Variants in ST3GAL3 observed in about 807,000 individuals in gnomAD.
The protein encoded by ST3GAL3 is ST3 beta-galactoside alpha-2,3-sialyltransferase 3, also known as CMP-N-acetylneuraminate-beta-1,4-galactoside alpha-2,3-sialyltransferase.
In ST3GAL3, 21 loss-of-function variants were observed where a neutral mutation model predicts 50.1. That is an observed-to-expected ratio of 0.42 (90% confidence interval 0.30 to 0.60). ST3GAL3 has a LOEUF of 0.60. Ranked by LOEUF, ST3GAL3 falls within the 20% of genes least tolerant of loss-of-function variation. The pLI, the probability that ST3GAL3 is intolerant of heterozygous loss-of-function variation, is 0.19. For synonymous variants in ST3GAL3, 183 were observed against 190.0 expected (o/e 0.96, Z 0.30); for missense variants, 353 against 489.4 (o/e 0.72, Z 2.63).
intron 2 of ST3GAL3, among the ~76,000 whole-genome samples, chr1:43,775,523 G>A (rs966118594): frequency 6.6e-6 from 1 of 152,204 alleles, no homozygotes; most frequent in Non-Finnish European, 1.5e-5. Context: ...GTGAGCCACC[G>A]CACTCAGCCG....
intron 11 of ST3GAL3, 28 bp downstream of exon 11, chr1:43,920,956 C>G: frequency 3.2e-6 from 5 of 1,583,890 alleles, no homozygotes; most frequent in Non-Finnish European, 2.6e-6. Flanking sequence ...GGGGCAATCC[C>G]TGGGTGGGGA....
intron 5 of ST3GAL3, among the ~76,000 whole-genome samples, chr1:43,893,107 G>T (rs1214297741): frequency 6.6e-6 from 1 of 152,162 alleles, no homozygotes; most frequent in Non-Finnish European, 1.5e-5. Context: ...TCAAGTTCAT[G>T]TCAAAATCTC....
intron 9 of ST3GAL3, among the ~76,000 whole-genome samples, chr1:43,901,142 G>A (rs2078207860): frequency 6.6e-6 from 1 of 152,236 alleles, no homozygotes; most frequent in Non-Finnish European, 1.5e-5. Context: ...TTTTAAGGGA[G>A]AATGGTAGGA....
intron 2 of ST3GAL3, among the ~76,000 whole-genome samples, chr1:43,764,825 A>G (rs1691952102): frequency 6.6e-6 from 1 of 152,190 alleles, no homozygotes; most frequent in Non-Finnish European, 1.5e-5. Flanking sequence ...CTGACAGTTG[A>G]GGCCTTTCTG....
Position 43,899,833 on chromosome 1 carries a change from A to G in ST3GAL3, c.744+106A>G, listed in dbSNP as rs2077993918. ...GCAAAGAACGAGTAAGAACCTTCAAAGGAAACATTAATGACCCAAAGCCGA... is the reference window on the plus strand; with the variant it reads ...GCAAAGAACGAGTAAGAACCTTCAAGGGAAACATTAATGACCCAAAGCCGA... On this transcript the variant is annotated intron_variant, in intron 9 of 11. Coordinates refer to ENST00000347631, the MANE Select transcript of ST3GAL3 (RefSeq NM_006279.5). This position sits in a 1 kb window ranked among gnomAD's most constrained non-coding sequence, Gnocchi z 5.4. 2 of 1,185,736 alleles carry G rather than the reference A, an allele frequency of 1.7e-6. No individual in the cohort carries two copies. Among genetic ancestry groups the G allele is most frequent in the African/African-American group, 3.0e-5 (2 of 65,918 alleles). 73.5% of individuals were successfully genotyped at this position (1,185,736 alleles called of 1,614,324 possible).
intron 5 of ST3GAL3, among the ~76,000 whole-genome samples, chr1:43,878,740 C>A (rs1336528503): frequency 3.3e-5 from 5 of 152,122 alleles, no homozygotes; most frequent in Admixed American, 3.3e-4. Flanking sequence ...AAATATTGAT[C>A]TTTGATAGAA....
At chr1:43,853,133 G>A (rs2067657428) in intron 5 of ST3GAL3, among the ~76,000 whole-genome samples, 1 of 152,176 alleles carries the variant, frequency 6.6e-6, no homozygotes, top group East Asian at 1.9e-4. Context: ...AGACATGATT[G>A]AGTGTTGTCT....
At chr1:43,809,489 G>A (rs572106662) in intron 3 of ST3GAL3, among the ~76,000 whole-genome samples, 3 of 152,168 alleles carry the variant, frequency 2.0e-5, no homozygotes, top group Non-Finnish European at 4.4e-5. Flanking sequence ...ATAGCTTGAG[G>A]CCAGGAGTTC....
chr1:43,757,079 A>G (rs1373554498), intron 2 of ST3GAL3, among the ~76,000 whole-genome samples: 1 of 151,930 alleles, frequency 6.6e-6, no homozygotes, highest in East Asian at 1.9e-4. Flanking sequence ...TAACTTTTAT[A>G]TTTTTAGTAG....
At chr1:43,886,172 G>T (rs1177295963) in intron 5 of ST3GAL3, among the ~76,000 whole-genome samples, 1 of 152,198 alleles carries the variant, frequency 6.6e-6, no homozygotes, top group African/African-American at 2.4e-5. Flanking sequence ...CCTGAGGTCA[G>T]GAATTTGAAA....
At chr1:43,735,436 G>C (rs1677977052) in intron 1 of ST3GAL3, among the ~76,000 whole-genome samples, 1 of 152,224 alleles carries the variant, frequency 6.6e-6, no homozygotes, top group Non-Finnish European at 1.5e-5. Flanking sequence ...CAAAGAGTGA[G>C]AGAGCCTGAA....
chr1:43,901,403 A>G (rs114024366), intron 9 of ST3GAL3, among the ~76,000 whole-genome samples: 1,782 of 152,374 alleles, frequency 0.012, 17 homozygotes, highest in Non-Finnish European at 0.019. Context: ...GGGAAAAGCC[A>G]GGCAGTTCAA....
At chr1:43,924,768 GGT>G (rs1302562598) in intron 11 of ST3GAL3, among the ~76,000 whole-genome samples, 2 of 152,214 alleles carry the variant, frequency 1.3e-5, no homozygotes, top group African/African-American at 2.4e-5. Flanking sequence ...GGAAGTATAA[GGT>G]GATGAGACAG....
intron 4 of ST3GAL3, chr1:43,824,626 C>T (rs2062542090): frequency 7.1e-7 from 1 of 1,400,952 alleles, no homozygotes; most frequent in Admixed American, 1.7e-5. Flanking sequence ...AGGTTCTTTG[C>T]TTCATGACAT....
intron 5 of ST3GAL3, among the ~76,000 whole-genome samples, chr1:43,857,558 T>C (rs12745841): frequency 3.1e-4 from 26 of 83,768 alleles, no homozygotes; most frequent in African/African-American, 8.1e-4. Flanking sequence ...TTCCTTCCTT[T>C]CCTTCCTTCT....
intron 3 of ST3GAL3, among the ~76,000 whole-genome samples, chr1:43,799,187 G>A (rs1039563607): frequency 1.3e-5 from 2 of 152,164 alleles, no homozygotes; most frequent in African/African-American, 4.8e-5. Flanking sequence ...TTAGCCCTAG[G>A]TAAATAGGGG....
chr1:43,741,254 AG>A (rs1373894194), intron 2 of ST3GAL3, among the ~76,000 whole-genome samples: 1 of 152,136 alleles, frequency 6.6e-6, no homozygotes, highest in Non-Finnish European at 1.5e-5. Flanking sequence ...GTTTGAGCCC[AG>A]GAAGTCAATC....
At chr1:43,859,294 G>A (rs780497951) in intron 5 of ST3GAL3, among the ~76,000 whole-genome samples, 1 of 152,188 alleles carries the variant, frequency 6.6e-6, no homozygotes, top group African/African-American at 2.4e-5. Context: ...GTATGCGGAA[G>A]TTTCCTACAC....
chr1:43,800,639 G>A (rs976312), intron 3 of ST3GAL3, among the ~76,000 whole-genome samples: 55,742 of 152,104 alleles, frequency 0.37, 10,953 homozygotes, highest in East Asian at 0.59. Context: ...ATGATTGGGG[G>A]ATCTTGAACA....
Sources: gnomAD v4.1 joint callset for allele counts (sites outside exome capture counted in the v4.1 genomes callset) on GRCh38, gnomAD v4.1.1 for gene constraint, Gnocchi (gnomAD v3.1) non-coding constraint, MANE v1.5 for transcripts, NCBI Gene and HGNC (gene_info 2026-07-23, HGNC 2026-07-21) for gene names.